The following LDLRAD3 variants were observed in gnomAD, a reference collection of about 807,000 sequenced individuals.
LDLRAD3 encodes the protein low-density lipoprotein receptor class A domain-containing protein 3.
In LDLRAD3, 20 loss-of-function variants were observed where a neutral mutation model predicts 29.4. The observed-to-expected ratio is 0.68, with a 90% CI of 0.48 to 0.99. The LOEUF is 0.99. Ranked by LOEUF, LDLRAD3 falls within the 50% of genes least tolerant of loss-of-function variation. The pLI, the probability that LDLRAD3 is intolerant of heterozygous loss-of-function variation, is 0.00. For synonymous variants in LDLRAD3, 157 were observed against 192.7 expected (o/e 0.81, Z 1.53); for missense variants, 420 against 454.3 (o/e 0.92, Z 0.69).
intron 4 of LDLRAD3, among the ~76,000 whole-genome samples, chr11:36,215,825 G>A (rs892734682): frequency 6.6e-6 from 1 of 152,274 alleles, no homozygotes; most frequent in African/African-American, 2.4e-5. Context: ...AGCTCCAAGT[G>A]TGCACACTCA....
At chr11:36,066,666 G>A (rs750584635) in intron 2 of LDLRAD3, among the ~76,000 whole-genome samples, 16 of 151,640 alleles carry the variant, frequency 1.1e-4, no homozygotes, top group African/African-American at 3.2e-4. Flanking sequence ...GTCATTCTTC[G>A]TAATAAAAGT....
intron 2 of LDLRAD3, among the ~76,000 whole-genome samples, chr11:36,069,474 G>T (rs1565200272): frequency 6.6e-6 from 1 of 152,104 alleles, no homozygotes; most frequent in African/African-American, 2.4e-5. Flanking sequence ...GCCACATGTC[G>T]GTTTTCACTT....
chr11:36,108,319 C>CAAAAAAAAAA lies in LDLRAD3; in HGVS notation c.454+9878_454+9887dup, dbSNP rs60376519. Among the ~76,000 whole-genome samples the CAAAAAAAAAA allele has an allele frequency of 5.1e-4, 25 of 48,982 alleles. 1 individual carries two copies. The highest frequency in any genetic ancestry group is 1.3e-3 in the South Asian group (1 of 772). 32.1% of individuals were successfully genotyped at this position (48,982 alleles called of 152,430 possible). On this transcript the variant is annotated intron_variant, in intron 4 of 5. Coordinates refer to ENST00000315571, the MANE Select transcript of LDLRAD3 (RefSeq NM_174902.4). ...TGGGTGACAGAGCGAGACTCCATCT[C>CAAAAAAAAAA]AAAAAAAAAAAAAAAAAAAAAAAAA...
intron 4 of LDLRAD3, among the ~76,000 whole-genome samples, chr11:36,211,532 A>G (rs1019392081): frequency 1.1e-4 from 17 of 152,226 alleles, no homozygotes; most frequent in Non-Finnish European, 2.4e-4. Flanking sequence ...AATCCATGCA[A>G]CAGATGATGG....
At chr11:36,147,098 CTTTTTTTTTTTTTT>C (rs55747441) in intron 4 of LDLRAD3, among the ~76,000 whole-genome samples, 2 of 48,220 alleles carry the variant, frequency 4.1e-5, no homozygotes, top group South Asian at 9.1e-4. Context: ...CCCATATTTA[CTTTTTTTTTTTTTT>C]TTTTTTTTTT....
At chr11:36,123,506 A>G (rs1853790598) in intron 4 of LDLRAD3, among the ~76,000 whole-genome samples, 2 of 152,208 alleles carry the variant, frequency 1.3e-5, no homozygotes, top group Non-Finnish European at 2.9e-5. Flanking sequence ...GCATCTGCTC[A>G]TTTGTCCCAT....
At chr11:36,205,028 C>T (rs1055791618) in intron 4 of LDLRAD3, among the ~76,000 whole-genome samples, 1 of 152,154 alleles carries the variant, frequency 6.6e-6, no homozygotes. Context: ...CCAGGTTCTT[C>T]CTCCTCTTCA....
At chr11:36,140,346 C>T (rs1376382544) in intron 4 of LDLRAD3, among the ~76,000 whole-genome samples, 4 of 152,216 alleles carry the variant, frequency 2.6e-5, no homozygotes, top group African/African-American at 9.6e-5. Context: ...TTCATATCCT[C>T]ATTGTTGGTA....
intron 2 of LDLRAD3, among the ~76,000 whole-genome samples, chr11:36,051,958 A>T (rs1852535169): frequency 6.6e-6 from 1 of 151,752 alleles, no homozygotes; most frequent in South Asian, 2.1e-4. Flanking sequence ...GATGACTGAA[A>T]AGCTGCTGGA....
In LDLRAD3 at chr11:35,949,911, G is replaced by A. The variant is rs1215785677; in HGVS notation, c.46+5767G>A. On this transcript the variant is annotated intron_variant, in intron 1 of 5. Transcript: ENST00000315571. Reference sequence around the variant, plus strand: ...TCTGAAACCATGCCCTCTTGGAAAAGCCTTCTGTAGTGAGGAGCTTTAGCT... The same window carrying A: ...TCTGAAACCATGCCCTCTTGGAAAAACCTTCTGTAGTGAGGAGCTTTAGCT... 2.0e-5 allele frequency among the ~76,000 whole-genome samples: 3 copies of A among 152,326 alleles called. No homozygotes were observed. In the East Asian group the frequency reaches 5.8e-4, roughly 29 times the overall value.
chr11:36,054,023 G>C (rs569880704), intron 2 of LDLRAD3, among the ~76,000 whole-genome samples: 9 of 152,290 alleles, frequency 5.9e-5, no homozygotes, highest in African/African-American at 1.9e-4. Flanking sequence ...ATCATCCTCT[G>C]ATGCAAACCA....
Position 36,230,726 on chromosome 11 carries a change from T to C in LDLRAD3, c.*1329T>C, listed in dbSNP as rs1280905281. On this transcript the variant is annotated 3_prime_UTR_variant, in exon 6 of 6. Coordinates refer to ENST00000315571, the MANE Select transcript of LDLRAD3 (RefSeq NM_174902.4). ...ACTATTTATATGTGTATAGGAAAGC[T>C]GTCTCTTTTTTTGTTTTTCCTTTAA... 6.5e-6 allele frequency: 1 copy of C among 152,682 alleles called. No homozygotes were observed. Among genetic ancestry groups the C allele is most frequent in the Non-Finnish European group, 1.5e-5 (1 of 68,044 alleles). 9.5% of individuals were successfully genotyped at this position (152,682 alleles called of 1,614,324 possible). A position where few individuals can be genotyped will look rare whatever the true frequency, so the allele number is the denominator to read the frequency against.
chr11:36,136,090 A>C (rs968905697), intron 4 of LDLRAD3, among the ~76,000 whole-genome samples: 3 of 152,174 alleles, frequency 2.0e-5, no homozygotes, highest in Admixed American at 1.3e-4. Context: ...CCTTCTATAT[A>C]ACCCAGTTCA....
At chr11:36,038,265 T>C (rs979051355) in intron 2 of LDLRAD3, among the ~76,000 whole-genome samples, 11 of 152,222 alleles carry the variant, frequency 7.2e-5, no homozygotes, top group Non-Finnish European at 1.6e-4. Flanking sequence ...GTTTCTAACA[T>C]GGCCTCAGAA....
intron 1 of LDLRAD3, among the ~76,000 whole-genome samples, chr11:35,986,899 A>C (rs1239926258): frequency 6.6e-6 from 1 of 152,162 alleles, no homozygotes; most frequent in Non-Finnish European, 1.5e-5. Context: ...TGTTGGGCCC[A>C]TTTACTAGAG....
At chr11:36,027,022 A>C (rs144926825) in intron 1 of LDLRAD3, among the ~76,000 whole-genome samples, 39 of 152,282 alleles carry the variant, frequency 2.6e-4, no homozygotes, top group African/African-American at 9.4e-4. Context: ...TCTTTCTTAC[A>C]TGAGATCCAA....
chr11:35,954,381 T>G (rs928658787), intron 1 of LDLRAD3, among the ~76,000 whole-genome samples: 1 of 152,224 alleles, frequency 6.6e-6, no homozygotes, highest in African/African-American at 2.4e-5. Flanking sequence ...TCTTTTCCTG[T>G]GTGACTAAAG....
intron 1 of LDLRAD3, among the ~76,000 whole-genome samples, chr11:35,948,653 G>A (rs150623004): frequency 6.6e-5 from 10 of 152,214 alleles, no homozygotes; most frequent in Middle Eastern, 3.4e-3. Context: ...AATATAGTAC[G>A]TGGACTTTTA....
chr11:36,162,892 G>A (rs1017404752), intron 4 of LDLRAD3, among the ~76,000 whole-genome samples: 2 of 152,188 alleles, frequency 1.3e-5, no homozygotes, highest in African/African-American at 2.4e-5. Context: ...TGCAAAGGGG[G>A]AAACAGGGTT....
Sources: allele counts gnomAD v4.1 joint callset (sites outside exome capture counted in the v4.1 genomes callset), GRCh38; gene constraint gnomAD v4.1.1; transcripts MANE v1.5; gene names NCBI Gene and HGNC (gene_info 2026-07-23, HGNC 2026-07-21).